The following DOCK2 variants were observed in gnomAD, a reference collection of about 807,000 sequenced individuals.
DOCK2 encodes dedicator of cytokinesis protein 2.
A neutral mutation model predicts 248.9 loss-of-function variants in DOCK2; 87 were observed. The observed-to-expected ratio is 0.35, with a 90% CI of 0.29 to 0.42. The LOEUF is 0.42. DOCK2 is among the 10% of genes least tolerant of loss of function. The pLI, the probability that DOCK2 is intolerant of heterozygous loss-of-function variation, is 1.00. For missense variants in DOCK2, 1,747 were observed against 2,300.2 expected, an observed-to-expected ratio of 0.76 and a Z score of 4.92; for synonymous variants, 805 against 821.6, an observed-to-expected ratio of 0.98 and a Z score of 0.35.
intron 27 of DOCK2, among the ~76,000 whole-genome samples, chr5:169,981,933 T>A (rs1777949200): frequency 6.6e-6 from 1 of 152,228 alleles, no homozygotes. Context: ...ATTGTGATAT[T>A]CACTTTATTG....
chr5:169,647,181 C>A (rs961699618), intron 1 of DOCK2, among the ~76,000 whole-genome samples: 1 of 152,236 alleles, frequency 6.6e-6, no homozygotes, highest in Non-Finnish European at 1.5e-5. Flanking sequence ...AGAATGCAAG[C>A]TCTATGATGG....
chr5:169,888,702 C>G (rs573472731), intron 27 of DOCK2, among the ~76,000 whole-genome samples: 1 of 152,316 alleles, frequency 6.6e-6, no homozygotes, highest in East Asian at 1.9e-4. Context: ...TGACTTGGAA[C>G]AAGTGACTTG....
chr5:169,990,164 T>C (rs1470459379), intron 29 of DOCK2, among the ~76,000 whole-genome samples: 1 of 152,092 alleles, frequency 6.6e-6, no homozygotes, highest in African/African-American at 2.4e-5. Flanking sequence ...AATGGCACGA[T>C]CTCAGCTCAC....
chr5:169,718,583 G>A (rs912112033), intron 21 of DOCK2, 74 bp from the exon 22 acceptor site: 2 of 1,524,852 alleles, frequency 1.3e-6, no homozygotes, highest in Non-Finnish European at 1.8e-6. Context: ...TTGATTGAAT[G>A]CCTTATAATT....
At chr5:169,925,578 TTA>T (rs1491130182) in intron 27 of DOCK2, among the ~76,000 whole-genome samples, 662 of 32,292 alleles carry the variant, frequency 0.021, 89 homozygotes, top group African/African-American at 0.074. Context: ...AGACTCTGTC[TTA>T]AAAAAAAAAA....
chr5:170,005,651 A>C (rs1240914035), intron 30 of DOCK2, among the ~76,000 whole-genome samples: 5 of 152,134 alleles, frequency 3.3e-5, no homozygotes, highest in Admixed American at 3.3e-4. Flanking sequence ...AAATTAGACA[A>C]TGGTAATGGT....
chr5:169,997,561 T>C (rs1324753257), intron 30 of DOCK2, among the ~76,000 whole-genome samples: 1 of 138,488 alleles, frequency 7.2e-6, no homozygotes, highest in Non-Finnish European at 1.5e-5. Flanking sequence ...AGTTTTTGTG[T>C]CCCTGGGTAC....
At chr5:169,794,795 C>T (rs1041516677) in intron 25 of DOCK2, among the ~76,000 whole-genome samples, 6 of 152,108 alleles carry the variant, frequency 3.9e-5, no homozygotes, top group East Asian at 1.9e-4. Context: ...TGGTGGCAGG[C>T]GCCTGTAGTC....
rs114876159 is a variant in DOCK2 at position 169,925,105 on chromosome 5, C to A, written c.2800-57963C>A. On this transcript the variant is annotated intron_variant, in intron 27 of 51. Coordinates refer to ENST00000520908, the MANE Select transcript of DOCK2 (RefSeq NM_004946.3). ...TCTTTTTCTTCACTATCCACCCCAA[C>A]CCCCCATTCATCTGTTCTTTTTATG... is the stretch of plus-strand genomic sequence containing the variant. 3.8e-3 allele frequency among the ~76,000 whole-genome samples: 576 copies of A among 152,208 alleles called. 3 individuals carry two copies. The highest frequency in any genetic ancestry group is 0.013 in the African/African-American group (553 of 41,498).
intron 28 of DOCK2, among the ~76,000 whole-genome samples, chr5:169,985,041 G>A (rs546225345): frequency 3.9e-5 from 6 of 152,140 alleles, no homozygotes; most frequent in African/African-American, 1.2e-4. Flanking sequence ...ACAGCCTCCC[G>A]AGTAGCTGGG....
At chr5:169,691,829 TTTTA>T (rs543766613) in intron 9 of DOCK2, among the ~76,000 whole-genome samples, 3 of 150,376 alleles carry the variant, frequency 2.0e-5, no homozygotes, top group Admixed American at 6.6e-5. Flanking sequence ...CTATGTTTTG[TTTTA>T]TTTATTTATT....
In DOCK2 at chr5:169,655,782, C is replaced by T. The variant is rs150201531; in HGVS notation, c.127+1296C>T. 2.8e-3 allele frequency among the ~76,000 whole-genome samples: 421 copies of T among 152,258 alleles called. 3 individuals carry two copies. Among genetic ancestry groups the T allele is most frequent in the Middle Eastern group, 0.024 (7 of 294 alleles). On this transcript the variant is annotated intron_variant, in intron 2 of 51. Coordinates refer to ENST00000520908, the MANE Select transcript of DOCK2 (RefSeq NM_004946.3). The stretch of plus-strand genomic sequence containing the variant: ...CATGTAGATACAACCAAAAAACATA[C>T]AGAAAACCATTTTGTGGGCAAATAA...
At chr5:169,847,068 A>G (rs1393122683) in intron 27 of DOCK2, among the ~76,000 whole-genome samples, 11 of 152,184 alleles carry the variant, frequency 7.2e-5, no homozygotes, top group African/African-American at 2.7e-4. Context: ...TCCATGGTGC[A>G]TATATCCCAC....
At position 169,864,367 on chromosome 5, in the gene DOCK2, G is replaced by T. The variant is rs1229760920; in HGVS notation, c.2799+23515G>T. On this transcript the variant is annotated intron_variant, in intron 27 of 51. Transcript: ENST00000520908. ...TGGGGGTTCTGCTGGGGACTTTGGT[G>T]GGGGCGATGCCTCCTCAACTGGCTC... is the stretch of plus-strand genomic sequence containing the variant. 8 of 1,551,304 alleles carry T rather than the reference G, an allele frequency of 5.2e-6. No individual in the cohort carries two copies. The East Asian group carries it at 1.5e-4, about 28-fold the overall frequency.
rs1561828965 is a variant in DOCK2 at position 169,925,578 on chromosome 5, T to TAAAAAAAAAAAAAA, written c.2800-57490_2800-57489insAAAAAAAAAAAAAA. The stretch of plus-strand genomic sequence containing the variant: ...CTGGGCGACAGAGCAAGACTCTGTC[T>TAAAAAAAAAAAAAA]TAAAAAAAAAAAAAAAAAAAAAAAA... On this transcript the variant is annotated intron_variant, in intron 27 of 51. Transcript: ENST00000520908. Among the ~76,000 whole-genome samples, 3 of 32,324 alleles carry TAAAAAAAAAAAAAA rather than the reference T, an allele frequency of 9.3e-5. 1 individual carries two copies. Among genetic ancestry groups the TAAAAAAAAAAAAAA allele is most frequent in the African/African-American group, 3.8e-4 (3 of 7,838 alleles). The allele number at this position is 32,324 out of a possible 152,430, so 21.2% of individuals were successfully genotyped here.
intron 41 of DOCK2, among the ~76,000 whole-genome samples, chr5:170,051,710 G>A (rs1756923254): frequency 6.6e-6 from 1 of 152,158 alleles, no homozygotes. Context: ...CTTGCTCCCT[G>A]CAGTTAAGTC....
At chr5:169,639,058 G>C (rs1757007818) in intron 1 of DOCK2, among the ~76,000 whole-genome samples, 1 of 152,214 alleles carries the variant, frequency 6.6e-6, no homozygotes, top group South Asian at 2.1e-4. Context: ...ATTGTGAAGG[G>C]CTTTGAGTGC....
intron 26 of DOCK2, among the ~76,000 whole-genome samples, chr5:169,840,183 C>T (rs974295865): frequency 6.6e-6 from 1 of 152,104 alleles, no homozygotes; most frequent in African/African-American, 2.4e-5. Context: ...AGGCAAGGCA[C>T]GAGCAGGCGT....
rs749387806 is a variant in DOCK2 at position 169,708,162 on chromosome 5, G to T, written c.1384-7G>T. 1 of 1,613,370 alleles carries T rather than the reference G, an allele frequency of 6.2e-7. No individual in the cohort carries two copies. The highest frequency in any genetic ancestry group is 1.1e-5 in the South Asian group (1 of 90,810). ...TCTTTTCCCTCACTTTGTTTTTCTT[G>T]GGTCAGAATGCAATTTGCGTGGGAG... On this transcript the variant is annotated splice_polypyrimidine_tract_variant and splice_region_variant and intron_variant, in intron 14 of 51. Transcript: ENST00000520908.
Sources: gnomAD v4.1 joint callset for allele counts (sites outside exome capture counted in the v4.1 genomes callset) on GRCh38, gnomAD v4.1.1 for gene constraint, MANE v1.5 for transcripts, NCBI Gene and HGNC (gene_info 2026-07-23, HGNC 2026-07-21) for gene names.